The following MTMR2 variants were observed in gnomAD, a reference collection of about 807,000 sequenced individuals.
MTMR2 encodes myotubularin related protein 2.
MTMR2 carries 55 observed loss-of-function variants against 86.9 expected under a neutral mutation model. That is an observed-to-expected ratio of 0.63 (90% confidence interval 0.51 to 0.79). The LOEUF is 0.79. Ranked by LOEUF, MTMR2 falls within the 30% of genes least tolerant of loss-of-function variation. The probability of loss-of-function intolerance (pLI) is 0.00; values close to 1 mark genes in which losing one functional copy is unlikely to be tolerated. For missense variants in MTMR2, 659 were observed against 772.3 expected, an observed-to-expected ratio of 0.85 and a Z score of 1.74; for synonymous variants, 241 against 266.8, an observed-to-expected ratio of 0.90 and a Z score of 0.94.
intron 7 of MTMR2, among the ~76,000 whole-genome samples, chr11:95,856,259 CA>C (rs775684371): frequency 4.3e-4 from 65 of 151,456 alleles, no homozygotes; most frequent in Non-Finnish European, 7.2e-4. Flanking sequence ...GGTTGTCCTG[CA>C]AGGAAAACCT....
intron 1 of MTMR2, among the ~76,000 whole-genome samples, chr11:95,914,757 G>C (rs12364312): frequency 0.011 from 1,728 of 152,098 alleles, 28 homozygotes; most frequent in African/African-American, 0.032. Flanking sequence ...TAACTACAAA[G>C]CTTTGGTCTG....
At chr11:95,844,852 G>A (rs889511651) in intron 11 of MTMR2, 101 bp downstream of exon 11, 1 of 1,088,266 alleles carries the variant, frequency 9.2e-7, no homozygotes, top group Admixed American at 1.9e-5. Context: ...CTAGATAAAT[G>A]ATCAATTTCA....
chr11:95,850,875 T>G, intron 7 of MTMR2, 126 bp from the exon 8 acceptor site: 2 of 899,030 alleles, frequency 2.2e-6, no homozygotes, highest in South Asian at 2.9e-5. Flanking sequence ...GTTGGGATAG[T>G]TGTTGTCAGC....
intron 1 of MTMR2, chr11:95,914,361 C>T (rs1438568621): frequency 3.0e-6 from 3 of 984,950 alleles, no homozygotes; most frequent in Non-Finnish European, 3.6e-6. Context: ...ATTTAAGGAA[C>T]CCTAAAATAT....
intron 1 of MTMR2, among the ~76,000 whole-genome samples, chr11:95,909,046 T>C (rs911458863): frequency 6.6e-6 from 1 of 152,156 alleles, no homozygotes; most frequent in African/African-American, 2.4e-5. Context: ...AGTAATCCCA[T>C]CATCTGATTC....
chr11:95,924,006 G>A lies in MTMR2; in HGVS notation c.-52C>T, dbSNP rs1382821342. The stretch of plus-strand genomic sequence containing the variant: ...GGCTGAAGCAGTCTTCGCGGCTACA[G>A]GGCGGGAGAAGCGGAGGGCGGAGTG... On this transcript the variant is annotated 5_prime_UTR_variant, in exon 1 of 15. Transcript: ENST00000346299. The A allele has an allele frequency of 7.6e-5, 117 of 1,548,142 alleles. No homozygotes were observed. The highest frequency in any genetic ancestry group is 9.9e-5 in the Non-Finnish European group (113 of 1,145,132).
At chr11:95,856,430 A>C (rs1458542667) in intron 7 of MTMR2, among the ~76,000 whole-genome samples, 3 of 151,772 alleles carry the variant, frequency 2.0e-5, no homozygotes, top group African/African-American at 7.3e-5. Context: ...TTCTGTAATA[A>C]ACTTAAAATA....
At chr11:95,878,298 ATGAAAGAGG>A (rs1865197525) in intron 2 of MTMR2, among the ~76,000 whole-genome samples, 1 of 150,780 alleles carries the variant, frequency 6.6e-6, no homozygotes, top group Non-Finnish European at 1.5e-5. Context: ...AGAGGGGAAA[ATGAAAGAGG>A]TGACGCAAAG....
intron 7 of MTMR2, among the ~76,000 whole-genome samples, chr11:95,853,607 A>C (rs772196875): frequency 4.1e-4 from 62 of 152,052 alleles, no homozygotes; most frequent in Non-Finnish European, 7.9e-4. Flanking sequence ...CAGCTCCCAG[A>C]TGGCCTCATG....
intron 1 of MTMR2, chr11:95,923,652 G>A (rs1223716971): frequency 1.4e-6 from 2 of 1,409,920 alleles, no homozygotes; most frequent in African/African-American, 2.9e-5. Flanking sequence ...ATCGGAATAT[G>A]AAAGGTAGAG....
intron 12 of MTMR2, among the ~76,000 whole-genome samples, chr11:95,840,501 C>T (rs2135413956): frequency 6.6e-6 from 1 of 152,282 alleles, no homozygotes; most frequent in South Asian, 2.1e-4. Flanking sequence ...TCTCCTTCCT[C>T]TTACCTCCCA....
chr11:95,898,935 T>C (rs1565380303), intron 1 of MTMR2, among the ~76,000 whole-genome samples: 1 of 152,174 alleles, frequency 6.6e-6, no homozygotes, highest in Non-Finnish European at 1.5e-5. Flanking sequence ...AGAAGGCAGA[T>C]CACTTTTATT....
Position 95,841,599 on chromosome 11 carries a change from A to G in MTMR2, c.1479+18T>C. On this transcript the variant is annotated intron_variant, in intron 12 of 14. Transcript: ENST00000346299. ...ACTGAAAGGAGATGTGTAAGAATACATAGGCCAGATAAATTACCTGTCTTG... is the reference window on the plus strand; with the variant it reads ...ACTGAAAGGAGATGTGTAAGAATACGTAGGCCAGATAAATTACCTGTCTTG... 2 of 1,545,012 alleles carry G rather than the reference A, an allele frequency of 1.3e-6. No homozygotes were observed. Among genetic ancestry groups the G allele is most frequent in the East Asian group, 2.2e-5 (1 of 44,652 alleles).
chr11:95,870,560 T>C (rs1405932220), intron 2 of MTMR2, among the ~76,000 whole-genome samples: 1 of 152,072 alleles, frequency 6.6e-6, no homozygotes, highest in Non-Finnish European at 1.5e-5. Flanking sequence ...AGCAATTATA[T>C]GAATAATACT....
rs372932127 is a variant in MTMR2 at position 95,841,635 on chromosome 11, G to A, written c.1461C>T (p.Val487=). 1.7e-5 allele frequency: 28 copies of A among 1,612,414 alleles called. No homozygotes were observed. In the African/African-American group the frequency reaches 2.1e-4, roughly 12 times the overall value. ...SPVFLQFIDC[V]WQMTRQFPTA... ...AAATTACCTGTCTTGTCATCTGCCA[G>A]ACACAGTCAATAAATTGAAGAAAAA... is the stretch of plus-strand genomic sequence containing the variant. The change falls in exon 12 of 15, where the codon GTC becomes GTT. Residue 487 remains valine (V), a synonymous_variant. Transcript: ENST00000346299.
At chr11:95,883,313 CT>C (rs1419697786) in intron 2 of MTMR2, among the ~76,000 whole-genome samples, 2 of 152,076 alleles carry the variant, frequency 1.3e-5, no homozygotes, top group Non-Finnish European at 2.9e-5. Context: ...CATAAGTTCC[CT>C]GGGTTCTTAA....
chr11:95,841,650 T>C lies in MTMR2; in HGVS notation c.1446A>G (p.Gln482=), dbSNP rs376166939. The C allele has an allele frequency of 2.2e-5, 36 of 1,613,590 alleles. No homozygotes were observed. Among genetic ancestry groups the C allele is most frequent in the Non-Finnish European group, 2.8e-5 (33 of 1,179,690 alleles). Residue 482 remains glutamine, a synonymous_variant, in exon 12 of 15, where the codon CAA becomes CAG. Transcript: ENST00000346299. ...TCATCTGCCAGACACAGTCAATAAATTGAAGAAAAACAGGCGATCTGTCTG... is the reference window on the plus strand; with the variant it reads ...TCATCTGCCAGACACAGTCAATAAACTGAAGAAAAACAGGCGATCTGTCTG... The part of the protein sequence containing the change: ...ADADRSPVFL[Q]FIDCVWQMTR...
At chr11:95,923,010 C>T (rs1049274617) in intron 1 of MTMR2, among the ~76,000 whole-genome samples, 4 of 152,128 alleles carry the variant, frequency 2.6e-5, no homozygotes, top group East Asian at 1.9e-4. Context: ...AAAGCAAATA[C>T]AGGTCTTATA....
intron 9 of MTMR2, 40 bp downstream of exon 9, chr11:95,849,634 T>A (rs1863936973): frequency 5.0e-6 from 8 of 1,590,590 alleles, no homozygotes; most frequent in African/African-American, 1.3e-5. Context: ...CTCAGCTGAT[T>A]CATGAAACCA....
Sources: allele counts gnomAD v4.1 joint callset (sites outside exome capture counted in the v4.1 genomes callset), GRCh38; gene constraint gnomAD v4.1.1; transcripts MANE v1.5; gene names NCBI Gene and HGNC (gene_info 2026-07-23, HGNC 2026-07-21).